The following CNNM3 variants were observed in gnomAD, a reference collection of about 807,000 sequenced individuals.
CNNM3 encodes the protein metal transporter CNNM3.
Under a neutral mutation model 57.1 loss-of-function variants are expected in CNNM3, and 47 were observed. The ratio of observed to expected loss-of-function variants is 0.82; its 90% CI spans 0.65 to 1.05. The LOEUF (loss-of-function observed/expected upper bound fraction) is 1.05. Ranked by LOEUF, CNNM3 falls within the 50% of genes least tolerant of loss-of-function variation. CNNM3 has a pLI of 0.00. For synonymous variants in CNNM3, 507 were observed against 478.2 expected (o/e 1.06, Z -0.79); for missense variants, 957 against 973.7 (o/e 0.98, Z 0.23).
In CNNM3 at chr2:96,817,454, G is replaced by A. The variant is rs762626892; in HGVS notation, c.1177G>A (p.Val393Ile). The change falls in exon 1 of 8, where the codon GTC (valine) becomes ATC (isoleucine). Residue 393 changes from valine (V) to isoleucine (I), a missense_variant. Coordinates refer to ENST00000305510, the MANE Select transcript of CNNM3 (RefSeq NM_017623.5). ...TTTCTACAACCATCCGCTCCACTTC[G>A]TCTTCAACGACACCAAGCTGGACGC... ...TRFYNHPLHF[V>I]FNDTKLDAVL... 1.4e-5 allele frequency: 22 copies of A among 1,613,982 alleles called. No individual in the cohort carries two copies. The South Asian group carries it at 1.9e-4, about 14-fold the overall frequency.
chr2:96,816,527 GC>G lies in CNNM3; in HGVS notation c.251del (p.Ala84GlyfsTer73). 1 of 1,369,112 alleles carries G rather than the reference GC, an allele frequency of 7.3e-7. No homozygotes were observed. The highest frequency in any genetic ancestry group is 9.4e-7 in the Non-Finnish European group (1 of 1,060,824). The allele number at this position is 1,369,112 out of a possible 1,614,324, so 84.8% of individuals were successfully genotyped here. A position where few individuals can be genotyped will look rare whatever the true frequency, so the allele number is the denominator to read the frequency against. On this transcript the variant is annotated frameshift_variant, in exon 1 of 8. Coordinates refer to ENST00000305510, the MANE Select transcript of CNNM3 (RefSeq NM_017623.5). LOFTEE classifies it high-confidence loss of function. ...TTGGTCCTGGGTGGCCCCGGAGGGG[GC>G]GGGCTGCCGGGAGGAGGCGGCCTCC... ...SSWSWVAPEGAGCREEAASPA... is the reference protein window; with the variant it reads ...SSWSWVAPEGXGCREEAASPA...
intron 3 of CNNM3, 68 bp from the exon 4 acceptor site, chr2:96,827,663 G>C: frequency 4.6e-6 from 7 of 1,510,942 alleles, no homozygotes; most frequent in Non-Finnish European, 6.3e-6. Context: ...ATTGCCTACA[G>C]TGTTGGGTGT....
Position 96,817,107 on chromosome 2 carries a change from TG to T in CNNM3, c.832del (p.Glu278SerfsTer142). ...LPVALPVGQL[L>X]ELAARPGRLR... ...GTCGCGCTGCCCGTGGGGCAGCTGCTGGAGCTGGCGGCGCGGCCCGGGCGGC... is the reference window on the plus strand; with the variant it reads ...GTCGCGCTGCCCGTGGGGCAGCTGCTGAGCTGGCGGCGCGGCCCGGGCGGC... On this transcript the variant is annotated frameshift_variant, in exon 1 of 8. Transcript: ENST00000305510. LOFTEE classifies it high-confidence loss of function. 7.5e-7 allele frequency: 1 copy of T among 1,341,590 alleles called. No homozygotes were observed. The highest frequency in any genetic ancestry group is 2.0e-5 in the South Asian group (1 of 50,378). The allele number at this position is 1,341,590 out of a possible 1,614,324, so 83.1% of individuals were successfully genotyped here. A position where few individuals can be genotyped will look rare whatever the true frequency, so the allele number is the denominator to read the frequency against.
intron 3 of CNNM3, among the ~76,000 whole-genome samples, chr2:96,827,208 C>G (rs1347624287): frequency 6.6e-6 from 1 of 152,148 alleles, no homozygotes; most frequent in Admixed American, 6.5e-5. Context: ...GCCTGGTGCA[C>G]CACAGCCAGG....
At chr2:96,828,411 G>A in intron 5 of CNNM3, 156 bp from the exon 6 acceptor site, 1 of 997,652 alleles carries the variant, frequency 1.0e-6, no homozygotes, top group South Asian at 1.6e-5. Context: ...ACCTCTCCCG[G>A]CTGTGTTTGT....
In CNNM3 at chr2:96,834,705, A is replaced by G. The variant is rs2079662613; in HGVS notation, c.*2089A>G. 6.6e-6 allele frequency among the ~76,000 whole-genome samples: 1 copy of G among 152,286 alleles called. No homozygotes were observed. The highest frequency in any genetic ancestry group is 2.4e-5 in the African/African-American group (1 of 41,554). On this transcript the variant is annotated 3_prime_UTR_variant, in exon 8 of 8. Coordinates refer to ENST00000305510, the MANE Select transcript of CNNM3 (RefSeq NM_017623.5). ...TTCCCCTAATGTTAACAGCTTACAT[A>G]TAACCTTGGTACATTTATCAAAACT...
chr2:96,835,615 C>T (rs111315064), downstream of CNNM3, among the ~76,000 whole-genome samples: 15,579 of 152,024 alleles, frequency 0.1, 975 homozygotes, highest in Middle Eastern at 0.18. Context: ...CTACAGGCGC[C>T]CGCCACCACG....
At chr2:96,825,750 CATT>C (rs1424215828) in intron 2 of CNNM3, among the ~76,000 whole-genome samples, 1 of 152,146 alleles carries the variant, frequency 6.6e-6, no homozygotes, top group African/African-American at 2.4e-5. Context: ...AAAATACAAA[CATT>C]AGCTGGGCGT....
At chr2:96,828,870 C>T (rs1378729313) in intron 6 of CNNM3, 126 bp from the exon 7 acceptor site, 7 of 1,494,710 alleles carry the variant, frequency 4.7e-6, no homozygotes, top group Non-Finnish European at 6.4e-6. Flanking sequence ...GACTCAGTTG[C>T]TCTTCTCTGC....
rs1223380879 is a variant in CNNM3 at position 96,816,370 on chromosome 2, G to A, written c.93G>A (p.Pro31=). 3.8e-6 allele frequency: 5 copies of A among 1,329,352 alleles called. No individual in the cohort carries two copies. The highest frequency in any genetic ancestry group is 4.8e-6 in the Non-Finnish European group (5 of 1,039,408). The allele number at this position is 1,329,352 out of a possible 1,614,324, so 82.3% of individuals were successfully genotyped here. ...GNAAGEAAPG[P]RVLGFCLEED... ...CCGCGGGGGAGGCCGCGCCGGGCCC[G>A]CGAGTGCTGGGCTTCTGCCTGGAGG... The change falls in exon 1 of 8, where the codon CCG becomes CCA. Residue 31 remains proline (P), a synonymous_variant. Transcript: ENST00000305510.
At chr2:96,823,392 C>T (rs1481533447) in intron 1 of CNNM3, among the ~76,000 whole-genome samples, 4 of 152,168 alleles carry the variant, frequency 2.6e-5, no homozygotes, top group South Asian at 2.1e-4. Flanking sequence ...AACCACATGT[C>T]GCACTTGGCC....
downstream of CNNM3, chr2:96,836,510 G>GAATT (rs1423667341): frequency 1.3e-5 from 2 of 152,034 alleles, no homozygotes; most frequent in Non-Finnish European, 2.9e-5. Context: ...CAAAGTGCTG[G>GAATT]AATTATAGGC....
At position 96,832,437 on chromosome 2, in the gene CNNM3, TC is replaced by T. The variant is rs1210502089; in HGVS notation, c.2060-112del. ...TTCTGCTCTGATACTTCCCAAGGCA[TC>T]CCGAAGCACCTGTCTTAGCTGCCCC... is the stretch of plus-strand genomic sequence containing the variant. On this transcript the variant is annotated intron_variant, in intron 7 of 7. Coordinates refer to ENST00000305510, the MANE Select transcript of CNNM3 (RefSeq NM_017623.5). The T allele has an allele frequency of 7.8e-6, 12 of 1,546,408 alleles. No homozygotes were observed. In the Admixed American group the frequency reaches 2.2e-4, roughly 28 times the overall value.
downstream of CNNM3, chr2:96,837,421 G>A (rs1373158460): frequency 1.3e-5 from 2 of 152,214 alleles, no homozygotes; most frequent in East Asian, 1.9e-4. Context: ...GATTTAAACC[G>A]AAGTATTTCC....
Position 96,816,537 on chromosome 2 carries a change from G to GGGAGGAGGCGGCCTCCCC in CNNM3, c.261_278dup (p.Glu88_Pro93dup). ...GTGGCCCCGGAGGGGGCGGGCTGCC[G>GGGAGGAGGCGGCCTCCCC]GGAGGAGGCGGCCTCCCCCGCGGGC... On this transcript the variant is annotated inframe_insertion, in exon 1 of 8. Coordinates refer to ENST00000305510, the MANE Select transcript of CNNM3 (RefSeq NM_017623.5). 7.4e-7 allele frequency: 1 copy of GGGAGGAGGCGGCCTCCCC among 1,344,410 alleles called. No individual in the cohort carries two copies. Among genetic ancestry groups the GGGAGGAGGCGGCCTCCCC allele is most frequent in the Non-Finnish European group, 9.5e-7 (1 of 1,049,378 alleles). The allele number at this position is 1,344,410 out of a possible 1,614,324, so 83.3% of individuals were successfully genotyped here.
intron 1 of CNNM3, among the ~76,000 whole-genome samples, chr2:96,820,005 C>T (rs1315944810): frequency 1.3e-5 from 2 of 152,330 alleles, no homozygotes; most frequent in South Asian, 4.1e-4. Context: ...GGCAGGATGT[C>T]CCCTGGCGGG....
At chr2:96,832,189 C>T (rs924441503) in intron 7 of CNNM3, 38 of 1,034,332 alleles carry the variant, frequency 3.7e-5, no homozygotes, top group African/African-American at 1.7e-4. Flanking sequence ...GTGGGGTGGG[C>T]GCTCCCTTCC....
chr2:96,818,304 T>C (rs972783965), intron 1 of CNNM3, among the ~76,000 whole-genome samples: 1 of 152,116 alleles, frequency 6.6e-6, no homozygotes, highest in Non-Finnish European at 1.5e-5. Context: ...AAGCTGGTCT[T>C]GAACTCCTGA....
chr2:96,817,762 C>T (rs1353807756), intron 1 of CNNM3, among the ~76,000 whole-genome samples: 1 of 150,364 alleles, frequency 6.7e-6, no homozygotes, highest in East Asian at 1.9e-4. Context: ...CCCCCCCCCC[C>T]ATTTGCAGGG....
Sources: gnomAD v4.1 joint callset for allele counts (sites outside exome capture counted in the v4.1 genomes callset) on GRCh38, gnomAD v4.1.1 for gene constraint, MANE v1.5 for transcripts, NCBI Gene and HGNC (gene_info 2026-07-23, HGNC 2026-07-21) for gene names.